Variants in RAB5C observed in about 807,000 individuals in gnomAD.
RAB5C encodes the protein RAB5C, member RAS oncogene family, also known as ras-related protein Rab-5C.
Under a neutral mutation model 25.2 loss-of-function variants are expected in RAB5C, and 4 were observed. That is an observed-to-expected ratio of 0.16 (90% CI 0.08 to 0.36). RAB5C has a LOEUF of 0.36. RAB5C is among the 10% of genes least tolerant of loss of function. RAB5C has a pLI of 1.00. For missense variants in RAB5C, 199 were observed against 283.8 expected (o/e 0.70, Z 2.15); for synonymous variants, 100 against 106.4 (o/e 0.94, Z 0.37).
chr17:42,143,267 T>C (rs1174754079), intron 1 of RAB5C, among the ~76,000 whole-genome samples: 1 of 152,172 alleles, frequency 6.6e-6, no homozygotes, highest in Non-Finnish European at 1.5e-5. Context: ...TCAACATACC[T>C]GAGAGAAAAC....
intron 2 of RAB5C, among the ~76,000 whole-genome samples, chr17:42,129,380 G>A (rs544515275): frequency 1.1e-4 from 16 of 152,240 alleles, no homozygotes; most frequent in African/African-American, 2.6e-4. Flanking sequence ...GCTAGCCACC[G>A]CCCCTAGCTC....
chr17:42,151,172 C>A (rs546189537), intron 1 of RAB5C, among the ~76,000 whole-genome samples: 1 of 152,240 alleles, frequency 6.6e-6, no homozygotes, highest in South Asian at 2.1e-4. Flanking sequence ...CGCAGTGGCT[C>A]ACGCCTGTAA....
intron 1 of RAB5C, among the ~76,000 whole-genome samples, chr17:42,150,590 G>C (rs2079664572): frequency 6.7e-6 from 1 of 148,408 alleles, no homozygotes; most frequent in African/African-American, 2.5e-5. Context: ...AGACACGGTG[G>C]CTCATGCTTG....
rs1568018209 is a variant in RAB5C at position 42,128,251 on chromosome 17, A to G, written c.441+10T>C. The G allele has an allele frequency of 6.2e-7, 1 of 1,611,934 alleles. No homozygotes were observed. Among genetic ancestry groups the G allele is most frequent in the East Asian group, 2.2e-5 (1 of 44,778 alleles). Reference sequence around the variant, plus strand: ...CTCCACTCCTTCCCCCAAGTCTGTCATCTCCCCACCTGGAATTCCACGGCT... The same window carrying G: ...CTCCACTCCTTCCCCCAAGTCTGTCGTCTCCCCACCTGGAATTCCACGGCT... On this transcript the variant is annotated intron_variant, in intron 4 of 5. Coordinates refer to ENST00000346213, the MANE Select transcript of RAB5C (RefSeq NM_004583.4).
chr17:42,139,450 T>C (rs1213948192), intron 1 of RAB5C, among the ~76,000 whole-genome samples: 1 of 152,168 alleles, frequency 6.6e-6, no homozygotes, highest in African/African-American at 2.4e-5. Context: ...CACACCTCAG[T>C]CAGCAAGGTT....
chr17:42,134,390 A>C (rs539352113), intron 1 of RAB5C, among the ~76,000 whole-genome samples: 2 of 152,196 alleles, frequency 1.3e-5, no homozygotes, highest in African/African-American at 4.8e-5. Context: ...CAAATTCTCC[A>C]TAAGAGCTAA....
chr17:42,136,854 G>C lies in RAB5C; in HGVS notation c.-88-6264C>G, dbSNP rs528745677. On this transcript the variant is annotated intron_variant, in intron 1 of 5. Transcript: ENST00000346213. Reference sequence around the variant, plus strand: ...GCCCAAGACTCATAACTCAAGCAAGGCTCTCCTATTAGAGATAGAAAGAAA... The same window carrying C: ...GCCCAAGACTCATAACTCAAGCAAGCCTCTCCTATTAGAGATAGAAAGAAA... Among the ~76,000 whole-genome samples the C allele has an allele frequency of 2.2e-4, 33 of 152,240 alleles. 1 individual carries two copies. Among genetic ancestry groups the C allele is most frequent in the African/African-American group, 7.7e-4 (32 of 41,538 alleles).
rs759380944 is a variant in RAB5C at position 42,130,539 on chromosome 17, G to C, written c.-37C>G. 1.2e-6 allele frequency: 2 copies of C among 1,611,228 alleles called. No individual in the cohort carries two copies. Among genetic ancestry groups the C allele is most frequent in the Non-Finnish European group, 1.7e-6 (2 of 1,179,092 alleles). ...CTGTAGTGGTCCAGAGAGCGTGCGG[G>C]TGGGGACTGGTGCTATGCAAAGAGG... On this transcript the variant is annotated 5_prime_UTR_variant, in exon 2 of 6. Transcript: ENST00000346213.
intron 3 of RAB5C, 30 bp downstream of exon 3, chr17:42,128,619 G>A (rs201916785): frequency 2.1e-6 from 3 of 1,448,448 alleles, no homozygotes; most frequent in South Asian, 1.6e-5. Context: ...AAGATGAAGG[G>A]CAAAGGAAGA....
At position 42,125,787 on chromosome 17, in the gene RAB5C, T is replaced by C. The variant is rs782040172; in HGVS notation, c.647A>G (p.Asn216Ser). 4.4e-6 allele frequency: 7 copies of C among 1,600,772 alleles called. No homozygotes were observed. In the East Asian group the frequency reaches 6.7e-5, roughly 15 times the overall value. ...NPASRSQCCS[N>S] is the part of the protein sequence containing the mutation. ...CAGCGGGCAGGCAAGGGGGGCTCAG[T>C]TGCTGCAGCACTGGCTCCGGCTGGC... Residue 216 changes from asparagine (N) to serine (S), a missense_variant, in exon 6 of 6, where the codon AAC becomes AGC. By Grantham distance (46) the Asn-to-Ser change is conservative. This residue lies in a region of RAB5C where 154 missense variants were observed against 199.6 expected (regional missense o/e 0.77). Transcript: ENST00000346213.
intron 1 of RAB5C, among the ~76,000 whole-genome samples, chr17:42,134,609 A>G (rs2054517851): frequency 1.3e-5 from 2 of 152,184 alleles, no homozygotes; most frequent in African/African-American, 4.8e-5. Context: ...CACAAGTACA[A>G]TGGCCGTGCT....
At chr17:42,149,606 A>T (rs1390482798) in intron 1 of RAB5C, among the ~76,000 whole-genome samples, 2 of 152,122 alleles carry the variant, frequency 1.3e-5, no homozygotes, top group Non-Finnish European at 2.9e-5. Flanking sequence ...TAATTAATTA[A>T]AGTTTCCTGT....
chr17:42,135,926 C>T (rs117097591), intron 1 of RAB5C, among the ~76,000 whole-genome samples: 8 of 152,254 alleles, frequency 5.3e-5, no homozygotes, highest in East Asian at 1.9e-4. Context: ...GCAGGCGGGG[C>T]GTAGAGACTA....
chr17:42,145,954 G>A lies in RAB5C; in HGVS notation c.-89+8939C>T, dbSNP rs150733768. On this transcript the variant is annotated intron_variant, in intron 1 of 5. Transcript: ENST00000346213. Reference sequence around the variant, plus strand: ...CCTGAGTAGCTGAGATTACAGGTGCGTACCACCATGCCTGGCTAATTTTTG... The same window carrying A: ...CCTGAGTAGCTGAGATTACAGGTGCATACCACCATGCCTGGCTAATTTTTG... Among the ~76,000 whole-genome samples, 297 of 152,110 alleles carry A rather than the reference G, an allele frequency of 2.0e-3. 1 individual carries two copies. Among genetic ancestry groups the A allele is most frequent in the African/African-American group, 6.9e-3 (286 of 41,498 alleles).
chr17:42,147,172 A>G (rs539793458), intron 1 of RAB5C, among the ~76,000 whole-genome samples: 4 of 149,878 alleles, frequency 2.7e-5, no homozygotes, highest in Non-Finnish European at 4.4e-5. Flanking sequence ...GAGAGAGAGA[A>G]AGAAAGAAAG....
At chr17:42,147,459 A>ACTG (rs1254915447) in intron 1 of RAB5C, among the ~76,000 whole-genome samples, 1 of 152,226 alleles carries the variant, frequency 6.6e-6, no homozygotes, top group Non-Finnish European at 1.5e-5. Flanking sequence ...CTGCAGAAGC[A>ACTG]CGGTCGTTCT....
At chr17:42,146,191 C>T (rs774459868) in intron 1 of RAB5C, among the ~76,000 whole-genome samples, 3 of 152,030 alleles carry the variant, frequency 2.0e-5, no homozygotes, top group Non-Finnish European at 4.4e-5. Flanking sequence ...ACTGGCACAG[C>T]AAGAGGAGCC....
chr17:42,140,565 C>T (rs1188820500), intron 1 of RAB5C, among the ~76,000 whole-genome samples: 1 of 136,904 alleles, frequency 7.3e-6, no homozygotes, highest in African/African-American at 2.7e-5. Context: ...GCTCTGTCGC[C>T]CAGGCTGGAG....
At chr17:42,148,403 CAA>C (rs71228786) in intron 1 of RAB5C, among the ~76,000 whole-genome samples, 5 of 57,398 alleles carry the variant, frequency 8.7e-5, no homozygotes, top group East Asian at 5.5e-4. Flanking sequence ...GACTCCATCT[CAA>C]AAAAAAAAAA....
Sources: gnomAD v4.1 joint callset for allele counts (sites outside exome capture counted in the v4.1 genomes callset) on GRCh38, gnomAD v4.1.1 for gene constraint, gnomAD v4.1.1 regional missense constraint, MANE v1.5 for transcripts, NCBI Gene and HGNC (gene_info 2026-07-23, HGNC 2026-07-21) for gene names.